The following FBXO45 variants were observed in gnomAD, a reference collection of about 807,000 sequenced individuals.
FBXO45 encodes the protein F-box protein 45.
Under a neutral mutation model 25.5 loss-of-function variants are expected in FBXO45, and 3 were observed. The ratio of observed to expected loss-of-function variants is 0.12; its 90% confidence interval spans 0.05 to 0.30. FBXO45 has a LOEUF of 0.30. Among genes scored for constraint, FBXO45 ranks in the 10% least tolerant of loss-of-function variants. The pLI, the probability that FBXO45 is intolerant of heterozygous loss-of-function variation, is 1.00. For missense variants in FBXO45, 219 were observed against 365.0 expected, an observed-to-expected ratio of 0.60 and a Z score of 3.26; for synonymous variants, 155 against 149.8, an observed-to-expected ratio of 1.03 and a Z score of -0.25.
At position 196,584,096 on chromosome 3, in the gene FBXO45, G is replaced by A. The variant is rs776948245; in HGVS notation, c.676-37G>A. ...CTTGTTTCTTCTAGCTACACCCTTG[G>A]CAGATTTTCTTCTAACCTTTTGATA... is the stretch of plus-strand genomic sequence containing the variant. On this transcript the variant is annotated intron_variant, in intron 2 of 2. Coordinates refer to ENST00000311630, the MANE Select transcript of FBXO45 (RefSeq NM_001105573.2). This position sits in a 1 kb window ranked among gnomAD's most constrained non-coding sequence, Gnocchi z 4.3. The A allele has an allele frequency of 6.9e-6, 11 of 1,593,932 alleles. No individual in the cohort carries two copies. In the Admixed American group the frequency reaches 1.0e-4, roughly 15 times the overall value.
intron 1 of FBXO45, among the ~76,000 whole-genome samples, chr3:196,572,222 A>G (rs775438691): frequency 3.9e-5 from 6 of 152,372 alleles, no homozygotes; most frequent in African/African-American, 9.6e-5. Flanking sequence ...GCCAGGCACT[A>G]TGCTCATTTG....
chr3:196,578,520 T>C (rs1299799274), intron 2 of FBXO45, among the ~76,000 whole-genome samples: 1 of 152,164 alleles, frequency 6.6e-6, no homozygotes, highest in Non-Finnish European at 1.5e-5. Flanking sequence ...AACTTTTTTT[T>C]TTTAATGTCA....
intron 2 of FBXO45, among the ~76,000 whole-genome samples, chr3:196,579,412 A>G (rs62410605): frequency 0.027 from 4,106 of 152,286 alleles, 150 homozygotes; most frequent in African/African-American, 0.083. Context: ...TACTATAAGG[A>G]GAAGGGTGTG....
rs746359803 is a variant in FBXO45, at chr3:196,569,060, G to GCGGGCT, written c.84_89dup (p.Ser30_Gly31dup). On this transcript the variant is annotated inframe_insertion, in exon 1 of 3. Transcript: ENST00000311630. This position sits in a 1 kb window ranked among gnomAD's most constrained non-coding sequence, Gnocchi z 4.1. ...TAGCGGCGGCGGCGCGGGCGCGGGC[G>GCGGGCT]CGGGCTCGGGCTCTGGGGCCGCGGG... The GCGGGCT allele has an allele frequency of 2.9e-4, 344 of 1,185,410 alleles. No individual in the cohort carries two copies. Among genetic ancestry groups the GCGGGCT allele is most frequent in the East Asian group, 5.0e-4 (12 of 23,880 alleles). The allele number at this position is 1,185,410 out of a possible 1,614,324, so 73.4% of individuals were successfully genotyped here.
At position 196,584,310 on chromosome 3, in the gene FBXO45, G is replaced by T. The variant is rs1051984466; in HGVS notation, c.853G>T (p.Asp285Tyr). 1.2e-6 allele frequency: 2 copies of T among 1,602,608 alleles called. No homozygotes were observed. Among genetic ancestry groups the T allele is most frequent in the African/African-American group, 2.7e-5 (2 of 73,986 alleles). The change falls in exon 3 of 3, where the codon GAC (aspartate) becomes TAC (tyrosine). Residue 285 changes from aspartate (D) to tyrosine (Y), a missense_variant. Asp to Tyr is a radical substitution (Grantham distance 160). Coordinates refer to ENST00000311630, the MANE Select transcript of FBXO45 (RefSeq NM_001105573.2). This position sits in a 1 kb window ranked among gnomAD's most constrained non-coding sequence, Gnocchi z 4.3. Reference protein sequence around the residue: ...VTLVYLGKPLDG With the variant: ...VTLVYLGKPLYG ...TTTGGTTTACCTTGGAAAACCTTTG[G>T]ACGGATGACAGTGGCTTTCTTGTGA...
intron 1 of FBXO45, among the ~76,000 whole-genome samples, chr3:196,572,691 C>T (rs1033973851): frequency 6.6e-6 from 1 of 152,220 alleles, no homozygotes. Context: ...GATTATTTTG[C>T]ATTTTAAGAG....
intron 2 of FBXO45, among the ~76,000 whole-genome samples, chr3:196,578,932 G>A (rs1022672402): frequency 6.6e-6 from 1 of 152,058 alleles, no homozygotes; most frequent in African/African-American, 2.4e-5. Context: ...CATCTTTCCT[G>A]TATCACGGCA....
chr3:196,579,239 T>G (rs552688134), intron 2 of FBXO45, among the ~76,000 whole-genome samples: 2 of 152,370 alleles, frequency 1.3e-5, no homozygotes, highest in African/African-American at 4.8e-5. Flanking sequence ...AGATTGCATA[T>G]TTCAGAGCCA....
At chr3:196,579,658 C>T (rs1044555314) in intron 2 of FBXO45, among the ~76,000 whole-genome samples, 1 of 152,060 alleles carries the variant, frequency 6.6e-6, no homozygotes, top group African/African-American at 2.4e-5. Context: ...TAGGCAAAGT[C>T]GATTGATAAT....
Position 196,577,724 on chromosome 3 carries a change from G to A in FBXO45, c.590G>A (p.Gly197Asp). ...ALLGSDDQSW[G>D]WNLVDNNLLH... ...CTGGGCAGTGATGACCAGAGCTGGG[G>A]CTGGAATCTGGTGGACAATAATCTA... Residue 197 changes from glycine to aspartate, a missense_variant, in exon 2 of 3, where the codon GGC becomes GAC. Gly to Asp is a moderately conservative substitution (Grantham distance 94). Coordinates refer to ENST00000311630, the MANE Select transcript of FBXO45 (RefSeq NM_001105573.2). 6.2e-7 allele frequency: 1 copy of A among 1,614,000 alleles called. No homozygotes were observed. Among genetic ancestry groups the A allele is most frequent in the Non-Finnish European group, 8.5e-7 (1 of 1,179,884 alleles).
Position 196,589,038 on chromosome 3 carries a change from TTAA to T in FBXO45, c.*4724_*4726del, listed in dbSNP as rs1736189202. 6.6e-6 allele frequency: 1 copy of T among 152,226 alleles called. No individual in the cohort carries two copies. Among genetic ancestry groups the T allele is most frequent in the Admixed American group, 6.5e-5 (1 of 15,276 alleles). The allele number at this position is 152,226 out of a possible 1,614,324, so 9.4% of individuals were successfully genotyped here. ...AATTCTGTTGTTTTGCCTTAGTTTC[TTAA>T]TAAAAAGTTAAACATTAACCACCTG... On this transcript the variant is annotated 3_prime_UTR_variant, in exon 3 of 3. Transcript: ENST00000311630.
Position 196,577,375 on chromosome 3 carries a change from A to G in FBXO45, c.319-78A>G, listed in dbSNP as rs1013780417. 43 of 1,065,002 alleles carry G rather than the reference A, an allele frequency of 4.0e-5. No homozygotes were observed. The African/African-American group carries it at 6.9e-4, about 17-fold the overall frequency. The allele number at this position is 1,065,002 out of a possible 1,614,324, so 66.0% of individuals were successfully genotyped here. On this transcript the variant is annotated intron_variant, in intron 1 of 2. Coordinates refer to ENST00000311630, the MANE Select transcript of FBXO45 (RefSeq NM_001105573.2). ...ATAACTTCGTTATTTAAAAACATACAGCGTGAAGTTTGGGTAATTTTTAAT... is the reference window on the plus strand; with the variant it reads ...ATAACTTCGTTATTTAAAAACATACGGCGTGAAGTTTGGGTAATTTTTAAT...
chr3:196,569,440 C>G lies in FBXO45; in HGVS notation c.318+138C>G. 1 of 750,428 alleles carries G rather than the reference C, an allele frequency of 1.3e-6. No homozygotes were observed. The highest frequency in any genetic ancestry group is 2.1e-6 in the Non-Finnish European group (1 of 487,604). The allele number at this position is 750,428 out of a possible 1,614,324, so 46.5% of individuals were successfully genotyped here. ...CCACGGCTCCAGTCAGTATCTTCCT[C>G]ACCTCCCCCCAAGATAAAGATTCTC... On this transcript the variant is annotated intron_variant, in intron 1 of 2. Transcript: ENST00000311630. This position sits in a 1 kb window ranked among gnomAD's most constrained non-coding sequence, Gnocchi z 4.1.
intron 2 of FBXO45, among the ~76,000 whole-genome samples, chr3:196,583,878 A>G (rs1385461389): frequency 6.6e-6 from 1 of 151,178 alleles, no homozygotes; most frequent in Admixed American, 6.6e-5. Context: ...CTGGTCTTGA[A>G]CTCCTGGGCT....
chr3:196,573,084 G>C (rs1233777879), intron 1 of FBXO45, among the ~76,000 whole-genome samples: 1 of 152,122 alleles, frequency 6.6e-6, no homozygotes, highest in Non-Finnish European at 1.5e-5. Context: ...ACCATGCCCA[G>C]CTAATTTTTA....
intron 1 of FBXO45, among the ~76,000 whole-genome samples, chr3:196,572,865 G>A (rs1577595118): frequency 6.6e-6 from 1 of 152,182 alleles, no homozygotes; most frequent in African/African-American, 2.4e-5. Flanking sequence ...GGATGAGGAA[G>A]AGGGAAGTGG....
At chr3:196,571,780 CT>C (rs1394722575) in intron 1 of FBXO45, among the ~76,000 whole-genome samples, 1 of 152,124 alleles carries the variant, frequency 6.6e-6, no homozygotes, top group Non-Finnish European at 1.5e-5. Context: ...GTTTTTAATA[CT>C]TTGCTTTTCT....
At chr3:196,581,490 A>G (rs761478183) in intron 2 of FBXO45, among the ~76,000 whole-genome samples, 6 of 151,864 alleles carry the variant, frequency 4.0e-5, no homozygotes, top group Non-Finnish European at 5.9e-5. Flanking sequence ...CGGCCTCCCA[A>G]AGTGAAAGTA....
Position 196,588,359 on chromosome 3 carries a change from C to G in FBXO45, c.*4041C>G, listed in dbSNP as rs914660967. 1.3e-5 allele frequency: 2 copies of G among 152,180 alleles called. No homozygotes were observed. The highest frequency in any genetic ancestry group is 2.9e-5 in the Non-Finnish European group (2 of 68,062). The allele number at this position is 152,180 out of a possible 1,614,324, so 9.4% of individuals were successfully genotyped here. On this transcript the variant is annotated 3_prime_UTR_variant, in exon 3 of 3. Transcript: ENST00000311630. The surrounding 1 kb of genome is among the most constrained non-coding windows in gnomAD (Gnocchi z 4.2). ...ACAGGCGCGAGCCACCGTGCCAGGC[C>G]AGAAATTTAAGGAGTTTTAAAGGTT...
Sources: allele counts gnomAD v4.1 joint callset (sites outside exome capture counted in the v4.1 genomes callset), GRCh38; gene constraint gnomAD v4.1.1; non-coding constraint Gnocchi (gnomAD v3.1); transcripts MANE v1.5; gene names NCBI Gene and HGNC (gene_info 2026-07-23, HGNC 2026-07-21).